CLRN1: variants seen among roughly 807,000 people sequenced by gnomAD.
CLRN1 encodes clarin 1.
CLRN1 carries 15 observed loss-of-function variants against 18.7 expected under a neutral mutation model. The ratio of observed to expected loss-of-function variants is 0.80; its 90% CI spans 0.54 to 1.23. The LOEUF is 1.23. Among genes scored for constraint, CLRN1 ranks in the 50% most tolerant of loss-of-function variants. The pLI is 0.00. For synonymous variants in CLRN1, 104 were observed against 102.9 expected (o/e 1.01, Z -0.07); for missense variants, 311 against 277.5 (o/e 1.12, Z -0.86).
Position 150,926,760 on chromosome 3 carries a change from C to G in CLRN1, c.*1176G>C. 1 of 1,607,942 alleles carries G rather than the reference C, an allele frequency of 6.2e-7. No homozygotes were observed. The highest frequency in any genetic ancestry group is 8.5e-7 in the Non-Finnish European group (1 of 1,175,146). The stretch of plus-strand genomic sequence containing the variant: ...AGTACTCAGCACCTGTGGTCAGAGG[C>G]CTAGTGATCTGTTTGCTGTCATTCT... On this transcript the variant is annotated 3_prime_UTR_variant, in exon 3 of 3. Transcript: ENST00000327047.
chr3:150,967,819 T>A (rs1041471617), intron 1 of CLRN1, among the ~76,000 whole-genome samples: 1 of 152,164 alleles, frequency 6.6e-6, no homozygotes, highest in Admixed American at 6.5e-5. Context: ...TGACAGGCAC[T>A]GAGACCCTGA....
chr3:150,929,171 A>C (rs553136119), intron 2 of CLRN1, among the ~76,000 whole-genome samples: 2 of 152,110 alleles, frequency 1.3e-5, no homozygotes, highest in African/African-American at 4.8e-5. Context: ...CTCATCTATC[A>C]CTCATTGGTA....
upstream of CLRN1, chr3:150,972,897 T>A (rs1171526563): frequency 3.9e-6 from 3 of 760,326 alleles, no homozygotes; most frequent in South Asian, 4.5e-5. Context: ...TCATCACTCA[T>A]ACTTGGCTTT....
chr3:150,940,143 G>C (rs1713727825), intron 2 of CLRN1, among the ~76,000 whole-genome samples: 2 of 152,204 alleles, frequency 1.3e-5, no homozygotes, highest in Non-Finnish European at 2.9e-5. Context: ...GCTTTCGTTA[G>C]AGATACAAAG....
intron 1 of CLRN1, among the ~76,000 whole-genome samples, chr3:150,959,355 T>G (rs971949360): frequency 7.9e-5 from 12 of 152,096 alleles, no homozygotes; most frequent in African/African-American, 1.2e-4. Flanking sequence ...ACAGCCGGGC[T>G]TGGTGGCTCA....
At chr3:150,946,365 C>T (rs1216422299) in intron 1 of CLRN1, among the ~76,000 whole-genome samples, 2 of 152,162 alleles carry the variant, frequency 1.3e-5, no homozygotes, top group East Asian at 1.9e-4. Flanking sequence ...TTCATGTTCT[C>T]ACTCTTAACC....
intron 2 of CLRN1, among the ~76,000 whole-genome samples, chr3:150,941,162 A>T (rs1713807957): frequency 1.7e-5 from 2 of 115,458 alleles, no homozygotes; most frequent in African/African-American, 2.8e-5. Context: ...CTATCTATCT[A>T]TCTATCTATC....
chr3:150,966,030 C>A (rs1204628966), intron 1 of CLRN1, among the ~76,000 whole-genome samples: 1 of 152,188 alleles, frequency 6.6e-6, no homozygotes, highest in African/African-American at 2.4e-5. Flanking sequence ...AAAGAATGCC[C>A]TTGGAGAGGT....
intron 1 of CLRN1, chr3:150,945,735 T>A: frequency 3.2e-6 from 3 of 940,318 alleles, no homozygotes; most frequent in East Asian, 1.3e-4. Context: ...TTTCAATACA[T>A]CATGTTTACA....
At chr3:150,968,489 G>A (rs561161507) in intron 1 of CLRN1, among the ~76,000 whole-genome samples, 8 of 152,304 alleles carry the variant, frequency 5.3e-5, no homozygotes, top group Admixed American at 3.9e-4. Context: ...CAGAGTAAAT[G>A]AGGCAGAAGT....
At chr3:150,939,774 T>C (rs1275785338) in intron 2 of CLRN1, among the ~76,000 whole-genome samples, 1 of 152,194 alleles carries the variant, frequency 6.6e-6, no homozygotes, top group Admixed American at 6.5e-5. Context: ...TCCACCTGTT[T>C]GGTTTTGGAT....
intron 1 of CLRN1, among the ~76,000 whole-genome samples, chr3:150,959,262 G>T (rs777568018): frequency 7.2e-5 from 11 of 152,114 alleles, no homozygotes; most frequent in Non-Finnish European, 1.5e-4. Flanking sequence ...GGGAGGGAAG[G>T]GTGGGAGCAT....
chr3:150,934,834 T>C (rs889160341), intron 2 of CLRN1, among the ~76,000 whole-genome samples: 1 of 151,932 alleles, frequency 6.6e-6, no homozygotes, highest in Middle Eastern at 3.2e-3. Flanking sequence ...TTTCTCTCTC[T>C]CTGTCTCTCT....
At chr3:150,948,405 A>G (rs1488799629) in intron 1 of CLRN1, among the ~76,000 whole-genome samples, 1 of 145,182 alleles carries the variant, frequency 6.9e-6, no homozygotes, top group Non-Finnish European at 1.5e-5. Flanking sequence ...AATGGCGTGA[A>G]CCCGGGAGGC....
intron 1 of CLRN1, among the ~76,000 whole-genome samples, chr3:150,952,787 G>A (rs1359860301): frequency 6.6e-6 from 1 of 152,182 alleles, no homozygotes; most frequent in Non-Finnish European, 1.5e-5. Flanking sequence ...AAGTTGCACT[G>A]ATTTGCCTCC....
intron 1 of CLRN1, among the ~76,000 whole-genome samples, chr3:150,948,674 A>G (rs1420217019): frequency 7.2e-5 from 11 of 152,018 alleles, no homozygotes; most frequent in Admixed American, 7.2e-4. Flanking sequence ...AACCGACTCC[A>G]CTTCTAAAAT....
chr3:150,971,794 C>T (rs887609398), intron 1 of CLRN1, among the ~76,000 whole-genome samples: 1 of 152,210 alleles, frequency 6.6e-6, no homozygotes, highest in Non-Finnish European at 1.5e-5. Flanking sequence ...GTGGATTACA[C>T]TTCCATTTCA....
intron 1 of CLRN1, among the ~76,000 whole-genome samples, chr3:150,957,968 A>G (rs1323201683): frequency 6.6e-6 from 1 of 151,788 alleles, no homozygotes; most frequent in African/African-American, 2.4e-5. Context: ...GCCTTTGTCT[A>G]CCTTCCTGTT....
chr3:150,933,181 G>A lies in CLRN1; in HGVS notation c.434-4980C>T, dbSNP rs555432537. Among the ~76,000 whole-genome samples, 18 of 152,248 alleles carry A rather than the reference G, an allele frequency of 1.2e-4. No homozygotes were observed. The South Asian group carries it at 3.1e-3, about 26-fold the overall frequency. ...CACTTATTCAACAACTATTTATTGA[G>A]TGCCTGTTGCGCTGTTGTGGGAACT... On this transcript the variant is annotated intron_variant, in intron 2 of 2. Coordinates refer to ENST00000327047, the MANE Select transcript of CLRN1 (RefSeq NM_174878.3).
Sources: gnomAD v4.1 joint callset for allele counts (sites outside exome capture counted in the v4.1 genomes callset) on GRCh38, gnomAD v4.1.1 for gene constraint, MANE v1.5 for transcripts, NCBI Gene and HGNC (gene_info 2026-07-23, HGNC 2026-07-21) for gene names.